Variants in LANCL1 observed in about 807,000 individuals in gnomAD.
LANCL1 encodes the protein LanC like glutathione S-transferase 1.
Under a neutral mutation model 50.6 loss-of-function variants are expected in LANCL1, and 50 were observed. The ratio of observed to expected loss-of-function variants is 0.99; its 90% CI spans 0.79 to 1.25. The LOEUF is 1.25. LANCL1 is among the 50% of genes most tolerant of loss of function. The pLI, the probability that LANCL1 is intolerant of heterozygous loss-of-function variation, is 0.00. For synonymous variants in LANCL1, 188 were observed against 178.6 expected (o/e 1.05, Z -0.42); for missense variants, 532 against 480.7 (o/e 1.11, Z -1.00).
At chr2:210,469,152 A>T (rs1217061361) in intron 3 of LANCL1, 1 of 152,230 alleles carries the variant, frequency 6.6e-6, no homozygotes, top group East Asian at 1.9e-4. Flanking sequence ...AAATCTACAT[A>T]TAATTATGTA....
rs369029984 is a variant in LANCL1 at position 210,441,420 on chromosome 2, T to C, written c.431A>G (p.Asp144Gly). Residue 144 changes from aspartate (D) to glycine (G), a missense_variant, in exon 5 of 10, where the codon GAT becomes GGT. Asp to Gly is a moderately conservative substitution (Grantham distance 94). Transcript: ENST00000450366. ...GAGCATTTCATTTGGAGCATGAGGA[T>C]CAATCTTATTTAGGTGAATTAGCCT... Reference protein sequence around the residue: ...ITRLIHLNKIDPHAPNEMLYG... With the variant: ...ITRLIHLNKIGPHAPNEMLYG... 59 of 1,611,154 alleles carry C rather than the reference T, an allele frequency of 3.7e-5. No individual in the cohort carries two copies. The highest frequency in any genetic ancestry group is 4.9e-5 in the Non-Finnish European group (58 of 1,178,282).
intron 4 of LANCL1, among the ~76,000 whole-genome samples, chr2:210,454,167 G>A (rs1216040842): frequency 6.7e-6 from 1 of 149,666 alleles, no homozygotes; most frequent in Non-Finnish European, 1.5e-5. Context: ...GTTACAATAA[G>A]AAAATATCAC....
intron 3 of LANCL1, among the ~76,000 whole-genome samples, chr2:210,457,793 T>G (rs1474317669): frequency 6.6e-6 from 1 of 152,212 alleles, no homozygotes; most frequent in African/African-American, 2.4e-5. Context: ...CAGATATTTC[T>G]GACTCATATT....
chr2:210,439,095 C>A (rs765814838), intron 6 of LANCL1, among the ~76,000 whole-genome samples: 4 of 152,152 alleles, frequency 2.6e-5, no homozygotes, highest in Admixed American at 2.6e-4. Context: ...CAGAGTGTTA[C>A]AGTAGAATGA....
intron 1 of LANCL1, 57 bp downstream of exon 1, chr2:210,476,563 G>A (rs1694386004): frequency 7.2e-7 from 1 of 1,395,494 alleles, no homozygotes; most frequent in South Asian, 1.7e-5. Flanking sequence ...GCCCACTGCG[G>A]CCCAACTGCT....
chr2:210,448,613 T>G (rs775042486), intron 4 of LANCL1, among the ~76,000 whole-genome samples: 10 of 151,914 alleles, frequency 6.6e-5, no homozygotes, highest in Non-Finnish European at 1.3e-4. Flanking sequence ...CTAGCCAGAC[T>G]AATAAAGAAG....
intron 2 of LANCL1, among the ~76,000 whole-genome samples, chr2:210,475,084 C>T (rs987851415): frequency 6.6e-6 from 1 of 152,160 alleles, no homozygotes; most frequent in Non-Finnish European, 1.5e-5. Context: ...TTCTACCCTA[C>T]ACCTCTTCTT....
chr2:210,438,145 T>A (rs1323858207), intron 6 of LANCL1, among the ~76,000 whole-genome samples: 1 of 149,766 alleles, frequency 6.7e-6, no homozygotes, highest in Admixed American at 6.6e-5. Context: ...TTTTTTTTTT[T>A]TTTTTTGAGA....
At chr2:210,451,579 T>C (rs1693513145) in intron 4 of LANCL1, among the ~76,000 whole-genome samples, 1 of 152,200 alleles carries the variant, frequency 6.6e-6, no homozygotes. Flanking sequence ...TGCTAAGTGA[T>C]TTCCATCAAT....
chr2:210,444,181 A>C (rs1693237421), intron 4 of LANCL1, among the ~76,000 whole-genome samples: 1 of 152,192 alleles, frequency 6.6e-6, no homozygotes, highest in South Asian at 2.1e-4. Flanking sequence ...TCTGGAGACC[A>C]CCAATATGTA....
intron 4 of LANCL1, among the ~76,000 whole-genome samples, chr2:210,446,304 G>C (rs1460302709): frequency 6.6e-6 from 1 of 151,796 alleles, no homozygotes. Flanking sequence ...CGCCACTGGT[G>C]ATCAATATCA....
At position 210,455,099 on chromosome 2, in the gene LANCL1, A is replaced by T; in HGVS notation, c.407+8T>A. The T allele has an allele frequency of 6.2e-7, 1 of 1,607,448 alleles. No individual in the cohort carries two copies. The highest frequency in any genetic ancestry group is 8.5e-7 in the Non-Finnish European group (1 of 1,174,404). On this transcript the variant is annotated splice_region_variant and intron_variant, in intron 4 of 9. Coordinates refer to ENST00000450366, the MANE Select transcript of LANCL1 (RefSeq NM_006055.3). ...TAGAAAATAATCCTCATATAGAAACATGATTACCGTGTGATGCAATCTTCT... is the reference window on the plus strand; with the variant it reads ...TAGAAAATAATCCTCATATAGAAACTTGATTACCGTGTGATGCAATCTTCT...
At chr2:210,462,068 C>T (rs1397398096) in intron 3 of LANCL1, among the ~76,000 whole-genome samples, 5 of 152,214 alleles carry the variant, frequency 3.3e-5, no homozygotes, top group Non-Finnish European at 4.4e-5. Context: ...CTAGCACCTA[C>T]AGTCTACCTG....
upstream of LANCL1, among the ~76,000 whole-genome samples, chr2:210,477,292 T>C (rs1172953946): frequency 6.6e-6 from 1 of 152,220 alleles, no homozygotes; most frequent in Non-Finnish European, 1.5e-5. Context: ...AGGAAATTTA[T>C]TCTGTTCCTT....
rs190727890 is a variant in LANCL1, at chr2:210,431,739, A to T, written c.*2748T>A. ...ACTCTACCTACCATGAAGGTTTTTG[A>T]TGCCAAATAATTGGAACTGACATCA... is the stretch of plus-strand genomic sequence containing the variant. On this transcript the variant is annotated 3_prime_UTR_variant, in exon 10 of 10. Coordinates refer to ENST00000450366, the MANE Select transcript of LANCL1 (RefSeq NM_006055.3). 1 of 152,312 alleles carries T rather than the reference A, an allele frequency of 6.6e-6. No homozygotes were observed. Among genetic ancestry groups the T allele is most frequent in the African/African-American group, 2.4e-5 (1 of 41,584 alleles). The allele number at this position is 152,312 out of a possible 1,614,324, so 9.4% of individuals were successfully genotyped here. A position where few individuals can be genotyped will look rare whatever the true frequency, so the allele number is the denominator to read the frequency against.
Position 210,433,339 on chromosome 2 carries a change from G to A in LANCL1, c.*1148C>T, listed in dbSNP as rs766074620. On this transcript the variant is annotated 3_prime_UTR_variant, in exon 10 of 10. Transcript: ENST00000450366. ...GTCTAGGATACGCAAAGATGCATTT[G>A]TTCTAAGCATGAACTCTGGATAATA... 5.3e-5 allele frequency: 8 copies of A among 152,142 alleles called. No homozygotes were observed. Among genetic ancestry groups the A allele is most frequent in the Non-Finnish European group, 1.2e-4 (8 of 67,990 alleles). The allele number at this position is 152,142 out of a possible 1,614,324, so 9.4% of individuals were successfully genotyped here.
At position 210,433,343 on chromosome 2, in the gene LANCL1, T is replaced by A. The variant is rs1048060150; in HGVS notation, c.*1144A>T. 6.6e-6 allele frequency: 1 copy of A among 152,212 alleles called. No individual in the cohort carries two copies. The highest frequency in any genetic ancestry group is 1.9e-4 in the East Asian group (1 of 5,196). 9.4% of individuals were successfully genotyped at this position (152,212 alleles called of 1,614,324 possible). On this transcript the variant is annotated 3_prime_UTR_variant, in exon 10 of 10. Coordinates refer to ENST00000450366, the MANE Select transcript of LANCL1 (RefSeq NM_006055.3). Reference sequence around the variant, plus strand: ...AGGATACGCAAAGATGCATTTGTTCTAAGCATGAACTCTGGATAATACCTC... The same window carrying A: ...AGGATACGCAAAGATGCATTTGTTCAAAGCATGAACTCTGGATAATACCTC...
chr2:210,456,092 C>G (rs1369673025), intron 3 of LANCL1, among the ~76,000 whole-genome samples: 6 of 152,094 alleles, frequency 3.9e-5, no homozygotes, highest in African/African-American at 1.4e-4. Flanking sequence ...AAATGCCTGT[C>G]ACAGTGGAAA....
intron 4 of LANCL1, among the ~76,000 whole-genome samples, chr2:210,450,472 A>G (rs1415303717): frequency 6.6e-6 from 1 of 152,256 alleles, no homozygotes; most frequent in Non-Finnish European, 1.5e-5. Flanking sequence ...AGCAATGGCA[A>G]CAAAAGCCAA....
Sources: gnomAD v4.1 joint callset for allele counts (sites outside exome capture counted in the v4.1 genomes callset) on GRCh38, gnomAD v4.1.1 for gene constraint, MANE v1.5 for transcripts, NCBI Gene and HGNC (gene_info 2026-07-23, HGNC 2026-07-21) for gene names.